Variants in PARP1 observed in about 807,000 individuals in gnomAD.
PARP1 encodes poly [ADP-ribose] polymerase 1.
In PARP1, 44 loss-of-function variants were observed where a neutral mutation model predicts 118.7. The observed-to-expected ratio is 0.37, with a 90% CI of 0.29 to 0.48. The LOEUF (loss-of-function observed/expected upper bound fraction) is 0.48, where lower values mean the gene tolerates loss of function less well. PARP1 is among the 20% of genes least tolerant of loss of function. PARP1 has a pLI of 0.99. For synonymous variants in PARP1, 492 were observed against 483.2 expected (o/e 1.02, Z -0.24); for missense variants, 1,100 against 1,272.4 (o/e 0.86, Z 2.06).
At chr1:226,388,571 A>G (rs1318189506) in intron 5 of PARP1, 85 bp downstream of exon 5, 1 of 956,510 alleles carries the variant, frequency 1.0e-6, no homozygotes, top group Non-Finnish European at 1.7e-6. Context: ...TAAGTGGGAC[A>G]CAACTCCTTG....
chr1:226,364,130 TC>T, intron 19 of PARP1, 60 bp from the exon 20 acceptor site: 1 of 1,580,870 alleles, frequency 6.3e-7, no homozygotes, highest in Non-Finnish European at 8.7e-7. Context: ...GAGCAGCTGT[TC>T]ACTGAGTGCC....
At chr1:226,396,648 G>A (rs1664929575) in intron 2 of PARP1, among the ~76,000 whole-genome samples, 1 of 152,174 alleles carries the variant, frequency 6.6e-6, no homozygotes, top group African/African-American at 2.4e-5. Flanking sequence ...TTAGTAGGTA[G>A]TATCCTAACT....
intron 17 of PARP1, chr1:226,366,445 A>G (rs1352544627): frequency 3.7e-6 from 1 of 270,488 alleles, no homozygotes; most frequent in Non-Finnish European, 7.3e-6. Context: ...AGTCACAGCT[A>G]TGATGTGCAA....
At chr1:226,391,203 C>T (rs1467349997) in intron 3 of PARP1, among the ~76,000 whole-genome samples, 1 of 151,986 alleles carries the variant, frequency 6.6e-6, no homozygotes, top group African/African-American at 2.4e-5. Flanking sequence ...TCAAGCAATA[C>T]TCCTGCCTCA....
intron 8 of PARP1, 54 bp downstream of exon 8, chr1:226,382,982 T>C (rs1664647016): frequency 6.3e-7 from 1 of 1,592,520 alleles, no homozygotes; most frequent in Non-Finnish European, 8.6e-7. Context: ...CAGCAAGTAG[T>C]GGGCAAACAA....
intron 15 of PARP1, among the ~76,000 whole-genome samples, chr1:226,370,140 G>A (rs1005094366): frequency 2.6e-5 from 4 of 152,102 alleles, no homozygotes; most frequent in Non-Finnish European, 4.4e-5. Flanking sequence ...AGGATACAGA[G>A]GGATGACTTC....
chr1:226,372,084 GC>G lies in PARP1; in HGVS notation c.2071-1568del, dbSNP rs369489618. 4.9e-4 allele frequency among the ~76,000 whole-genome samples: 75 copies of G among 152,292 alleles called. 1 individual carries two copies. The highest frequency in any genetic ancestry group is 1.8e-3 in the African/African-American group (73 of 41,562). On this transcript the variant is annotated intron_variant, in intron 14 of 22. Coordinates refer to ENST00000366794, the MANE Select transcript of PARP1 (RefSeq NM_001618.4). ...TTCTAGGGCTGCAGCCTGGAACCCT[GC>G]CCCCTGCCATGTGTCGTGACTGCCC...
chr1:226,404,600 C>G (rs1665103217), intron 1 of PARP1, among the ~76,000 whole-genome samples: 1 of 152,230 alleles, frequency 6.6e-6, no homozygotes, highest in Non-Finnish European at 1.5e-5. Context: ...GGTGCAATCA[C>G]AGCACAAGCT....
chr1:226,373,455 G>A (rs983080445), intron 14 of PARP1, among the ~76,000 whole-genome samples: 1 of 152,218 alleles, frequency 6.6e-6, no homozygotes, highest in Admixed American at 6.5e-5. Context: ...GGCCCCCAGG[G>A]TCAGTACTTA....
chr1:226,364,256 C>T, intron 19 of PARP1, 186 bp from the exon 20 acceptor site: 1 of 609,402 alleles, frequency 1.6e-6, no homozygotes, highest in Non-Finnish European at 3.0e-6. Context: ...CAGATCCTAG[C>T]TCTGCCAGGT....
intron 2 of PARP1, among the ~76,000 whole-genome samples, chr1:226,396,267 A>G (rs1664914809): frequency 6.6e-6 from 1 of 152,030 alleles, no homozygotes; most frequent in Admixed American, 6.6e-5. Flanking sequence ...AATCGCCTGA[A>G]CCCGGGAGAC....
intron 15 of PARP1, among the ~76,000 whole-genome samples, chr1:226,369,783 C>T (rs1301041154): frequency 1.3e-5 from 2 of 151,900 alleles, no homozygotes; most frequent in Non-Finnish European, 2.9e-5. Context: ...AGTGAAACCC[C>T]ACCTCTACTA....
chr1:226,363,832 C>T (rs1285664965), intron 20 of PARP1, 111 bp downstream of exon 20: 5 of 1,139,236 alleles, frequency 4.4e-6, no homozygotes, highest in South Asian at 2.5e-5. Context: ...TTGGTGCGTC[C>T]AGTAACTGCA....
Position 226,362,010 on chromosome 1 carries a change from C to A in PARP1, c.2922G>T (p.Gly974=). The A allele has an allele frequency of 6.2e-7, 1 of 1,612,758 alleles. No homozygotes were observed. The highest frequency in any genetic ancestry group is 8.5e-7 in the Non-Finnish European group (1 of 1,178,764). Residue 974 remains glycine, a synonymous_variant, in exon 22 of 23, where the codon GGG becomes GGT. Transcript: ENST00000366794. ...LDGVDVPLGT[G]ISSGVNDTSL... is the part of the protein sequence containing the mutation. ...AGGTGTCATTCACACCAGATGAAAT[C>A]CCGGTCCCAAGAGGAACGTCTACAC...
intron 2 of PARP1, among the ~76,000 whole-genome samples, chr1:226,396,804 A>C (rs1664932933): frequency 1.3e-5 from 2 of 152,106 alleles, no homozygotes; most frequent in Non-Finnish European, 2.9e-5. Flanking sequence ...GTGGTGGCAC[A>C]CACCTGTAAT....
rs770186932 is a variant in PARP1, at chr1:226,383,083, G to A, written c.1112C>T (p.Pro371Leu). 4.3e-6 allele frequency: 7 copies of A among 1,612,918 alleles called. No individual in the cohort carries two copies. In the Admixed American group the frequency reaches 1.0e-4, roughly 23 times the overall value. Residue 371 changes from proline to leucine, a missense_variant, in exon 8 of 23, where the codon CCC (proline) becomes CTC (leucine). Coordinates refer to ENST00000366794, the MANE Select transcript of PARP1 (RefSeq NM_001618.4). ...TSASVAATPP[P>L]STASAPAAVN... ...AGCAGCAGGAGCCGAGGCTGTGGAG[G>A]GCGGAGGCGTGGCCGCCACGGAGGC...
intron 14 of PARP1, among the ~76,000 whole-genome samples, chr1:226,374,008 C>G (rs1343345055): frequency 6.6e-6 from 1 of 152,110 alleles, no homozygotes; most frequent in African/African-American, 2.4e-5. Context: ...TCCAACACAA[C>G]ACATGCTTCA....
At chr1:226,373,566 C>T (rs1664435020) in intron 14 of PARP1, among the ~76,000 whole-genome samples, 1 of 152,208 alleles carries the variant, frequency 6.6e-6, no homozygotes, top group African/African-American at 2.4e-5. Context: ...ACAGGAAACA[C>T]GGAGCCTCTG....
chr1:226,376,997 T>G, intron 13 of PARP1, 111 bp downstream of exon 13: 1 of 939,748 alleles, frequency 1.1e-6, no homozygotes, highest in Non-Finnish European at 1.7e-6. Flanking sequence ...CCTTTCAACA[T>G]TTGGTAGTAT....
Sources: allele counts gnomAD v4.1 joint callset (sites outside exome capture counted in the v4.1 genomes callset), GRCh38; gene constraint gnomAD v4.1.1; transcripts MANE v1.5; gene names NCBI Gene and HGNC (gene_info 2026-07-23, HGNC 2026-07-21).